The following TENM2 variants were observed in gnomAD, a reference collection of about 807,000 sequenced individuals.
TENM2 encodes teneurin transmembrane protein 2.
A neutral mutation model predicts 245.2 loss-of-function variants in TENM2; 52 were observed. The observed-to-expected ratio is 0.21, with a 90% CI of 0.17 to 0.27. The LOEUF is 0.27. TENM2 is among the 10% of genes least tolerant of loss of function. The pLI, the probability that TENM2 is intolerant of heterozygous loss-of-function variation, is 1.00. For missense variants in TENM2, 3,046 were observed against 3,666.8 expected, an observed-to-expected ratio of 0.83 and a Z score of 4.37; for synonymous variants, 1,363 against 1,438.9, an observed-to-expected ratio of 0.95 and a Z score of 1.19.
chr5:167,796,032 C>G (rs1476948195), intron 2 of TENM2, among the ~76,000 whole-genome samples: 1 of 152,060 alleles, frequency 6.6e-6, no homozygotes, highest in Non-Finnish European at 1.5e-5. Flanking sequence ...AAGTAGGAGA[C>G]TATGGATGCT....
At chr5:167,482,220 T>C (rs1247278510) in intron 2 of TENM2, among the ~76,000 whole-genome samples, 1 of 152,212 alleles carries the variant, frequency 6.6e-6, no homozygotes, top group Admixed American at 6.5e-5. Flanking sequence ...GTATTTTCTC[T>C]AGACTATTTT....
At chr5:167,373,137 A>G (rs917653838) in intron 1 of TENM2, among the ~76,000 whole-genome samples, 2 of 152,210 alleles carry the variant, frequency 1.3e-5, no homozygotes, top group East Asian at 1.9e-4. Flanking sequence ...TGAAGAGACA[A>G]TTATGTATAG....
At chr5:167,508,340 A>G (rs1050100519) in intron 2 of TENM2, among the ~76,000 whole-genome samples, 2 of 152,198 alleles carry the variant, frequency 1.3e-5, no homozygotes, top group African/African-American at 2.4e-5. Flanking sequence ...AAGAAAGGAC[A>G]GTAGGGGTGG....
intron 12 of TENM2, among the ~76,000 whole-genome samples, chr5:168,138,334 A>G (rs1169815790): frequency 6.6e-6 from 1 of 152,266 alleles, no homozygotes; most frequent in Non-Finnish European, 1.5e-5. Flanking sequence ...GATGGAGAGC[A>G]CTTAACATAT....
At chr5:167,816,412 C>T (rs1380706241) in intron 2 of TENM2, among the ~76,000 whole-genome samples, 1 of 152,170 alleles carries the variant, frequency 6.6e-6, no homozygotes, top group African/African-American at 2.4e-5. Flanking sequence ...TCTCTTGCTT[C>T]ATTTACAAAA....
chr5:167,381,471 G>A (rs765123672), intron 2 of TENM2, among the ~76,000 whole-genome samples: 2 of 152,116 alleles, frequency 1.3e-5, no homozygotes, highest in Non-Finnish European at 2.9e-5. Context: ...TTTGCTTAGT[G>A]CAGTATCAAA....
the TENM2 span, among the ~76,000 whole-genome samples, chr5:167,201,604 G>A: frequency 6.6e-6 from 1 of 152,166 alleles, no homozygotes; most frequent in South Asian, 2.1e-4. Context: ...AATGCCTTCT[G>A]ATTAACTCAG....
chr5:168,116,679 G>A (rs1795105575), intron 9 of TENM2, among the ~76,000 whole-genome samples: 1 of 152,156 alleles, frequency 6.6e-6, no homozygotes, highest in African/African-American at 2.4e-5. Flanking sequence ...TTGAATAGCT[G>A]ACTATATATC....
intron 3 of TENM2, among the ~76,000 whole-genome samples, chr5:167,903,924 G>A (rs6887945): frequency 0.22 from 33,435 of 152,104 alleles, 4,779 homozygotes; most frequent in African/African-American, 0.4. Context: ...GCTCAAACAC[G>A]TATTTAAATA....
chr5:166,999,991 T>C, the TENM2 span, among the ~76,000 whole-genome samples: 1 of 152,080 alleles, frequency 6.6e-6, no homozygotes, highest in African/African-American at 2.4e-5. Flanking sequence ...AGGAGACCCC[T>C]GTAAGAGGAA....
At chr5:167,299,394 T>C (rs1755170994) in intron 1 of TENM2, among the ~76,000 whole-genome samples, 1 of 151,938 alleles carries the variant, frequency 6.6e-6, no homozygotes, top group Admixed American at 6.6e-5. Flanking sequence ...GACTAAGAGG[T>C]ATTTTAGTTA....
chr5:167,773,294 G>A (rs2150778619), intron 2 of TENM2, among the ~76,000 whole-genome samples: 1 of 152,298 alleles, frequency 6.6e-6, no homozygotes, highest in Admixed American at 6.5e-5. Flanking sequence ...GAGTAAATCA[G>A]ATGCAAACAT....
chr5:167,750,947 G>A (rs6879227), intron 2 of TENM2, among the ~76,000 whole-genome samples: 86,894 of 151,974 alleles, frequency 0.57, 27,346 homozygotes, highest in Middle Eastern at 0.72. Flanking sequence ...TAGAATGACA[G>A]CATGTAACAT....
chr5:168,203,872 A>G, intron 18 of TENM2, 40 bp downstream of exon 20: 6 of 1,557,624 alleles, frequency 3.9e-6, no homozygotes, highest in Non-Finnish European at 5.3e-6. Context: ...CAGCCTTGCC[A>G]CTTCTCTGGA....
intron 2 of TENM2, among the ~76,000 whole-genome samples, chr5:167,666,077 A>T (rs1363412866): frequency 6.6e-6 from 1 of 152,186 alleles, no homozygotes; most frequent in Non-Finnish European, 1.5e-5. Context: ...AAGATGCAAG[A>T]TGTGGCATTT....
chr5:167,317,825 AG>A (rs1297026604), intron 1 of TENM2, among the ~76,000 whole-genome samples: 5 of 151,960 alleles, frequency 3.3e-5, no homozygotes, highest in Admixed American at 6.6e-5. Flanking sequence ...TGAGTGTCTG[AG>A]GGTTCAGGTT....
chr5:168,034,021 C>T (rs778589567), intron 5 of TENM2, among the ~76,000 whole-genome samples: 3 of 134,518 alleles, frequency 2.2e-5, no homozygotes, highest in Admixed American at 7.4e-5. Flanking sequence ...AGCGAGACTC[C>T]GTCTCAAATA....
chr5:167,858,264 T>A (rs540782860), intron 2 of TENM2, among the ~76,000 whole-genome samples: 1 of 152,378 alleles, frequency 6.6e-6, no homozygotes, highest in South Asian at 2.1e-4. Context: ...GTACCATGTC[T>A]TCATAAGACG....
intron 2 of TENM2, among the ~76,000 whole-genome samples, chr5:167,676,392 T>C (rs1412329028): frequency 1.3e-5 from 2 of 152,224 alleles, no homozygotes; most frequent in Middle Eastern, 3.4e-3. Flanking sequence ...CCCGGTTTAA[T>C]TGGGAACATA....
Sources: gnomAD v4.1 joint callset for allele counts (sites outside exome capture counted in the v4.1 genomes callset) on GRCh38, gnomAD v4.1.1 for gene constraint, MANE v1.5 for transcripts, NCBI Gene and HGNC (gene_info 2026-07-23, HGNC 2026-07-21) for gene names.